The following SLC9A9 variants were observed in gnomAD, a reference collection of about 807,000 sequenced individuals.
SLC9A9 encodes the protein solute carrier family 9 member A9, also known as sodium/hydrogen exchanger 9.
Under a neutral mutation model 77.8 loss-of-function variants are expected in SLC9A9, and 62 were observed. The ratio of observed to expected loss-of-function variants is 0.80; its 90% CI spans 0.65 to 0.98. SLC9A9 has a LOEUF of 0.98. Ranked by LOEUF, SLC9A9 falls within the 50% of genes least tolerant of loss-of-function variation. SLC9A9 has a pLI of 0.00. For missense variants in SLC9A9, 775 were observed against 774.9 expected, an observed-to-expected ratio of 1.00 and a Z score of 0.00; for synonymous variants, 320 against 283.5, an observed-to-expected ratio of 1.13 and a Z score of -1.29.
intron 14 of SLC9A9, among the ~76,000 whole-genome samples, chr3:143,353,620 A>G (rs2108475555): frequency 6.6e-6 from 1 of 152,278 alleles, no homozygotes; most frequent in East Asian, 1.9e-4. Context: ...AAACTAAAAA[A>G]ACACTTTTTT....
At chr3:143,738,423 A>C (rs1406403101) in intron 4 of SLC9A9, among the ~76,000 whole-genome samples, 1 of 152,112 alleles carries the variant, frequency 6.6e-6, no homozygotes, top group Non-Finnish European at 1.5e-5. Context: ...TAACCTCCTA[A>C]ATATTATTAC....
chr3:143,429,979 A>G (rs575657134), intron 12 of SLC9A9, among the ~76,000 whole-genome samples: 1 of 152,316 alleles, frequency 6.6e-6, no homozygotes, highest in South Asian at 2.1e-4. Flanking sequence ...CTGGATCATG[A>G]ATGGCAGAGC....
At chr3:143,442,965 T>C (rs918843356) in intron 12 of SLC9A9, among the ~76,000 whole-genome samples, 9 of 152,228 alleles carry the variant, frequency 5.9e-5, no homozygotes, top group African/African-American at 2.2e-4. Flanking sequence ...TCTGAGGTTA[T>C]GGTCCTTTGA....
At chr3:143,610,317 T>G (rs2038004226) in intron 6 of SLC9A9, among the ~76,000 whole-genome samples, 1 of 152,106 alleles carries the variant, frequency 6.6e-6, no homozygotes, top group Non-Finnish European at 1.5e-5. Context: ...CAGTTAATTT[T>G]TTAATTTGCA....
chr3:143,417,435 G>GT (rs1409217634), intron 12 of SLC9A9, among the ~76,000 whole-genome samples: 1 of 150,432 alleles, frequency 6.6e-6, no homozygotes, highest in African/African-American at 2.5e-5. Flanking sequence ...GGTAGGACTG[G>GT]TGTCCTTATA....
At chr3:143,693,365 G>T in intron 4 of SLC9A9, 58 bp from the exon 5 acceptor site, 1 of 1,315,246 alleles carries the variant, frequency 7.6e-7, no homozygotes, top group Non-Finnish European at 1.1e-6. Flanking sequence ...GTAAACCCAT[G>T]CTATCATAAG....
chr3:143,284,038 CT>C (rs112727941), intron 14 of SLC9A9, among the ~76,000 whole-genome samples: 527 of 142,426 alleles, frequency 3.7e-3, no homozygotes, highest in Middle Eastern at 7.4e-3. Context: ...GTTCCAGGAC[CT>C]TTTTTTTTTT....
chr3:143,268,363 C>T (rs1419597584), intron 15 of SLC9A9, among the ~76,000 whole-genome samples: 1 of 152,040 alleles, frequency 6.6e-6, no homozygotes, highest in African/African-American at 2.4e-5. Context: ...ATATTGGTAA[C>T]AATAAAAGAG....
intron 6 of SLC9A9, among the ~76,000 whole-genome samples, chr3:143,633,260 T>G (rs1159832951): frequency 2.6e-5 from 4 of 152,216 alleles, no homozygotes; most frequent in African/African-American, 9.7e-5. Context: ...ATTTATTTCT[T>G]AAATCATTTT....
chr3:143,442,724 CAATA>C (rs897594119), intron 12 of SLC9A9, among the ~76,000 whole-genome samples: 20 of 152,070 alleles, frequency 1.3e-4, no homozygotes, highest in African/African-American at 4.8e-4. Context: ...AACTCCATCT[CAATA>C]AATAAATAAA....
intron 6 of SLC9A9, among the ~76,000 whole-genome samples, chr3:143,638,547 C>T (rs1327083559): frequency 6.6e-6 from 1 of 152,200 alleles, no homozygotes; most frequent in Non-Finnish European, 1.5e-5. Context: ...TCCTTCAATA[C>T]TGCCTGCCAT....
chr3:143,374,089 T>G (rs1259653155), intron 13 of SLC9A9, among the ~76,000 whole-genome samples: 1 of 151,984 alleles, frequency 6.6e-6, no homozygotes, highest in East Asian at 1.9e-4. Flanking sequence ...CATATTATGT[T>G]CCAGGAAATT....
chr3:143,457,940 T>C (rs1336873568), intron 12 of SLC9A9, among the ~76,000 whole-genome samples: 1 of 152,184 alleles, frequency 6.6e-6, no homozygotes, highest in Admixed American at 6.5e-5. Flanking sequence ...TCTATAAATG[T>C]CAATTAAATG....
At chr3:143,690,374 A>G (rs1236038025) in intron 5 of SLC9A9, among the ~76,000 whole-genome samples, 1 of 152,098 alleles carries the variant, frequency 6.6e-6, no homozygotes, top group Non-Finnish European at 1.5e-5. Context: ...GTCTAAAAAC[A>G]ATTGACAATC....
At chr3:143,781,600 A>C (rs1400443237) in intron 4 of SLC9A9, among the ~76,000 whole-genome samples, 1 of 152,216 alleles carries the variant, frequency 6.6e-6, no homozygotes, top group Non-Finnish European at 1.5e-5. Flanking sequence ...TAAAATGAGA[A>C]CAAATTCACA....
At chr3:143,707,401 C>CAT (rs1491256599) in intron 4 of SLC9A9, among the ~76,000 whole-genome samples, 4 of 147,156 alleles carry the variant, frequency 2.7e-5, no homozygotes, top group Non-Finnish European at 5.9e-5. Context: ...CACACACACA[C>CAT]CCCAGCTGGG....
chr3:143,609,277 C>T (rs1405928742), intron 6 of SLC9A9, among the ~76,000 whole-genome samples: 11 of 151,990 alleles, frequency 7.2e-5, no homozygotes, highest in Admixed American at 7.2e-4. Flanking sequence ...AAGCAAGATG[C>T]AAGCAAAAAA....
At chr3:143,527,120 T>C (rs2036420666) in intron 9 of SLC9A9, among the ~76,000 whole-genome samples, 1 of 152,200 alleles carries the variant, frequency 6.6e-6, no homozygotes, top group South Asian at 2.1e-4. Context: ...TAGAGAATAG[T>C]GATGAGATGA....
At chr3:143,679,390 C>T (rs6803893) in intron 5 of SLC9A9, among the ~76,000 whole-genome samples, 17,799 of 152,184 alleles carry the variant, frequency 0.12, 2,293 homozygotes, top group African/African-American at 0.32. Flanking sequence ...ATCAATGTTG[C>T]TTCTCCCTTA....
Sources: allele counts gnomAD v4.1 joint callset (sites outside exome capture counted in the v4.1 genomes callset), GRCh38; gene constraint gnomAD v4.1.1; transcripts MANE v1.5; gene names NCBI Gene and HGNC (gene_info 2026-07-23, HGNC 2026-07-21).